Variants in CDK5RAP2 observed in about 807,000 individuals in gnomAD.
The protein encoded by CDK5RAP2 is CDK5 regulatory subunit-associated protein 2.
A neutral mutation model predicts 232.9 loss-of-function variants in CDK5RAP2; 147 were observed. The observed-to-expected ratio is 0.63, with a 90% CI of 0.55 to 0.72. CDK5RAP2 has a LOEUF of 0.72. Among genes scored for constraint, CDK5RAP2 ranks in the 30% least tolerant of loss-of-function variants. CDK5RAP2 has a pLI of 0.00. For missense variants in CDK5RAP2, 2,195 were observed against 2,231.5 expected (o/e 0.98, Z 0.33); for synonymous variants, 833 against 833.7 (o/e 1.00, Z 0.01).
chr9:120,412,877 T>A (rs1023854226), intron 28 of CDK5RAP2, among the ~76,000 whole-genome samples: 6 of 152,218 alleles, frequency 3.9e-5, no homozygotes, highest in African/African-American at 7.2e-5. Flanking sequence ...CTAATTGTTT[T>A]ACTCACTATG....
At chr9:120,433,093 G>A (rs573859735) in intron 25 of CDK5RAP2, among the ~76,000 whole-genome samples, 13 of 152,244 alleles carry the variant, frequency 8.5e-5, no homozygotes, top group African/African-American at 2.9e-4. Context: ...TGGGCCCTTC[G>A]CAAAAGCTGG....
In CDK5RAP2 at chr9:120,549,169, A is replaced by AG. The variant is rs1192428534; in HGVS notation, c.306+1622_306+1623insC. On this transcript the variant is annotated intron_variant, in intron 4 of 37. Coordinates refer to ENST00000349780, the MANE Select transcript of CDK5RAP2 (RefSeq NM_018249.6). ...AGACTCTGTCTCAAAAAAAAAAAAA[A>AG]AAAGAGACAGAAAGATATCATTAAG... 2.6e-5 allele frequency among the ~76,000 whole-genome samples: 4 copies of AG among 152,152 alleles called. No individual in the cohort carries two copies. In the East Asian group the frequency reaches 5.8e-4, roughly 22 times the overall value.
chr9:120,482,563 T>C (rs1311272340), intron 14 of CDK5RAP2, among the ~76,000 whole-genome samples: 1 of 152,112 alleles, frequency 6.6e-6, no homozygotes, highest in Non-Finnish European at 1.5e-5. Flanking sequence ...CGGCCAAACC[T>C]CATCAGCAAG....
intron 3 of CDK5RAP2, among the ~76,000 whole-genome samples, chr9:120,552,403 C>T (rs1259077541): frequency 2.6e-5 from 4 of 152,114 alleles, no homozygotes; most frequent in African/African-American, 7.2e-5. Flanking sequence ...CGTATGTTCA[C>T]TGCAGCACTA....
At chr9:120,505,090 C>G (rs919025559) in intron 12 of CDK5RAP2, among the ~76,000 whole-genome samples, 1 of 152,214 alleles carries the variant, frequency 6.6e-6, no homozygotes, top group African/African-American at 2.4e-5. Context: ...CTCTGCTCTA[C>G]TGCACTTCAC....
chr9:120,392,098 G>A (rs1168948767), intron 36 of CDK5RAP2, among the ~76,000 whole-genome samples: 1 of 152,176 alleles, frequency 6.6e-6, no homozygotes, highest in Non-Finnish European at 1.5e-5. Flanking sequence ...TCCATGCATA[G>A]GATTTGGTCT....
intron 32 of CDK5RAP2, among the ~76,000 whole-genome samples, chr9:120,405,283 T>C (rs1337947375): frequency 6.6e-6 from 1 of 152,262 alleles, no homozygotes. Context: ...CTGCCTATAA[T>C]TCTGATCTTG....
intron 12 of CDK5RAP2, among the ~76,000 whole-genome samples, chr9:120,491,768 T>G (rs1269441706): frequency 6.6e-6 from 1 of 151,716 alleles, no homozygotes; most frequent in East Asian, 1.9e-4. Flanking sequence ...TTATAAAGAG[T>G]ACGGTATTTA....
intron 12 of CDK5RAP2, among the ~76,000 whole-genome samples, chr9:120,512,537 T>G (rs2040143242): frequency 6.6e-6 from 1 of 152,240 alleles, no homozygotes; most frequent in Admixed American, 6.5e-5. Flanking sequence ...GCCAGAATAC[T>G]TCAAGTTGGG....
chr9:120,482,086 T>G (rs1164096718), intron 14 of CDK5RAP2, among the ~76,000 whole-genome samples: 5 of 152,220 alleles, frequency 3.3e-5, no homozygotes, highest in African/African-American at 7.2e-5. Context: ...GTAACTTGTT[T>G]GAGTCCACTA....
rs150675816 is a variant in CDK5RAP2 at position 120,524,176 on chromosome 9, G to C, written c.1092+810C>G. Among the ~76,000 whole-genome samples the C allele has an allele frequency of 1.3e-3, 204 of 152,322 alleles. 1 individual carries two copies. The highest frequency in any genetic ancestry group is 4.5e-3 in the African/African-American group (186 of 41,566). On this transcript the variant is annotated intron_variant, in intron 11 of 37. Coordinates refer to ENST00000349780, the MANE Select transcript of CDK5RAP2 (RefSeq NM_018249.6). ...ATAGTACTTACTTCATAGAGCTGCT[G>C]TTCAGTTAACTGAGATAATCTATGG...
At chr9:120,531,134 G>C (rs540497805) in intron 7 of CDK5RAP2, among the ~76,000 whole-genome samples, 1 of 152,052 alleles carries the variant, frequency 6.6e-6, no homozygotes, top group Admixed American at 6.6e-5. Flanking sequence ...TCTCTCACGG[G>C]AAACCATCAC....
intron 21 of CDK5RAP2, among the ~76,000 whole-genome samples, chr9:120,451,857 A>G (rs1385620731): frequency 6.8e-6 from 1 of 147,036 alleles, no homozygotes; most frequent in East Asian, 1.9e-4. Flanking sequence ...GAGATTATAT[A>G]TATTATATAT....
intron 12 of CDK5RAP2, 47 bp from the exon 13 acceptor site, chr9:120,491,524 A>T (rs1036508469): frequency 2.2e-6 from 3 of 1,380,544 alleles, no homozygotes; most frequent in East Asian, 2.3e-5. Context: ...CAAAAATTTC[A>T]ATCTCTTATG....
Position 120,453,666 on chromosome 9 carries a change from G to A in CDK5RAP2, c.2583C>T (p.Gly861=), listed in dbSNP as rs1481877993. The A allele has an allele frequency of 7.4e-6, 12 of 1,614,032 alleles. No individual in the cohort carries two copies. Among genetic ancestry groups the A allele is most frequent in the African/African-American group, 2.7e-5 (2 of 74,912 alleles). The change falls in exon 21 of 38, where the codon GGC becomes GGT. Residue 861 remains glycine (G), a synonymous_variant. Coordinates refer to ENST00000349780, the MANE Select transcript of CDK5RAP2 (RefSeq NM_018249.6). ...LSCEAQLVKA[G]EVPKVGLKDA... ...CTTTCAGTCCTACCTTGGGCACTTC[G>A]CCTGCCTTTACTAGCTGGGCCTCAC...
At chr9:120,574,378 G>A (rs192018421) in intron 1 of CDK5RAP2, among the ~76,000 whole-genome samples, 76 of 152,240 alleles carry the variant, frequency 5.0e-4, no homozygotes, top group African/African-American at 1.6e-3. Context: ...GGATACTCAC[G>A]AGAAATGACA....
intron 12 of CDK5RAP2, among the ~76,000 whole-genome samples, chr9:120,516,550 G>A (rs562391805): frequency 1.2e-4 from 19 of 152,184 alleles, no homozygotes; most frequent in Admixed American, 6.5e-4. Flanking sequence ...TTTTGGCTAG[G>A]TGCAGTGTCT....
In CDK5RAP2 at chr9:120,419,855, G is replaced by A; in HGVS notation, c.4110C>T (p.Phe1370=). The A allele has an allele frequency of 1.2e-6, 2 of 1,613,588 alleles. No homozygotes were observed. The highest frequency in any genetic ancestry group is 1.7e-6 in the Non-Finnish European group (2 of 1,179,452). ...SDYETSEKSF[F]SRDQKQDNET... is the part of the protein sequence containing the mutation. Reference sequence around the variant, plus strand: ...CATTATCTTGCTTCTGGTCTCGTGAGAAGAAGGACTTTTCAGATGTTTCAT... The same window carrying A: ...CATTATCTTGCTTCTGGTCTCGTGAAAAGAAGGACTTTTCAGATGTTTCAT... Residue 1370 remains phenylalanine, a synonymous_variant, in exon 27 of 38, where the codon TTC becomes TTT. Transcript: ENST00000349780.
intron 5 of CDK5RAP2, among the ~76,000 whole-genome samples, chr9:120,544,721 A>G (rs916988932): frequency 6.6e-6 from 1 of 152,222 alleles, no homozygotes; most frequent in Non-Finnish European, 1.5e-5. Flanking sequence ...GCAACCCTGG[A>G]AAGTCTTATT....
Sources: gnomAD v4.1 joint callset for allele counts (sites outside exome capture counted in the v4.1 genomes callset) on GRCh38, gnomAD v4.1.1 for gene constraint, MANE v1.5 for transcripts, NCBI Gene and HGNC (gene_info 2026-07-23, HGNC 2026-07-21) for gene names.